PUM1: variants seen among roughly 807,000 people sequenced by gnomAD.
The protein encoded by PUM1 is pumilio RNA binding family member 1.
In PUM1, 13 loss-of-function variants were observed where a neutral mutation model predicts 131.8. The observed-to-expected ratio is 0.10, with a 90% CI of 0.06 to 0.16. PUM1 has a LOEUF of 0.16. Among genes scored for constraint, PUM1 ranks in the 10% least tolerant of loss-of-function variants. PUM1 has a pLI of 1.00. For synonymous variants in PUM1, 509 were observed against 556.5 expected (o/e 0.91, Z 1.20); for missense variants, 961 against 1,512.4 (o/e 0.64, Z 6.05).
chr1:31,009,782 A>AAAAAAAAAACAAAAAC (rs375044466), intron 3 of PUM1, among the ~76,000 whole-genome samples: 66 of 125,306 alleles, frequency 5.3e-4, no homozygotes, highest in Non-Finnish European at 8.3e-4. Context: ...AAAAAAAAAA[A>AAAAAAAAAACAAAAAC]AAAAACAAAA....
intron 4 of PUM1, 23 bp downstream of exon 4, chr1:31,006,971 T>C (rs1642419919): frequency 6.4e-7 from 1 of 1,571,330 alleles, no homozygotes; most frequent in Non-Finnish European, 8.8e-7. Flanking sequence ...TAAATCACAG[T>C]ACAGATGCTA....
intron 3 of PUM1, among the ~76,000 whole-genome samples, chr1:31,022,709 T>A (rs1444811119): frequency 6.6e-6 from 1 of 152,202 alleles, no homozygotes; most frequent in African/African-American, 2.4e-5. Context: ...CTAACAGTCA[T>A]TAACCTAAAA....
chr1:31,028,948 T>C (rs1643315226), intron 2 of PUM1, 84 bp from the exon 3 acceptor site: 2 of 1,097,982 alleles, frequency 1.8e-6, no homozygotes, highest in Non-Finnish European at 2.8e-6. Context: ...GAAAATTTAT[T>C]CTATGTTTAC....
At chr1:30,959,336 T>G (rs1450215998) in intron 14 of PUM1, among the ~76,000 whole-genome samples, 1 of 152,006 alleles carries the variant, frequency 6.6e-6, no homozygotes, top group Non-Finnish European at 1.5e-5. Context: ...AAAACACACA[T>G]CCTTCATTAA....
chr1:31,031,206 C>T (rs1164304915), intron 2 of PUM1, among the ~76,000 whole-genome samples: 2 of 152,140 alleles, frequency 1.3e-5, no homozygotes, highest in African/African-American at 4.8e-5. Context: ...ATTGACAAAG[C>T]ATGTAAATCA....
chr1:31,019,302 A>C (rs1642935498), intron 3 of PUM1, among the ~76,000 whole-genome samples: 1 of 152,244 alleles, frequency 6.6e-6, no homozygotes, highest in Admixed American at 6.5e-5. Context: ...CAGTGAGCCA[A>C]CATAGTGCCG....
chr1:30,948,292 T>C (rs1389342826), intron 17 of PUM1, among the ~76,000 whole-genome samples: 3 of 152,106 alleles, frequency 2.0e-5, no homozygotes, highest in East Asian at 1.9e-4. Context: ...CTGGATATTT[T>C]TGTGATCCAG....
chr1:30,957,087 T>TACAAACAC (rs1553145749), intron 14 of PUM1, among the ~76,000 whole-genome samples: 1 of 139,904 alleles, frequency 7.1e-6, no homozygotes, highest in Non-Finnish European at 1.5e-5. Context: ...AGGACATTCA[T>TACAAACAC]ACACACACAC....
chr1:31,007,106 C>T lies in PUM1; in HGVS notation c.433-4G>A. The T allele has an allele frequency of 6.2e-7, 1 of 1,601,518 alleles. No individual in the cohort carries two copies. The highest frequency in any genetic ancestry group is 8.6e-7 in the Non-Finnish European group (1 of 1,169,160). ...ACTTTTTACCTGGCAAGAGCTGCTG[C>T]AAATTAAAAATAATAGATGCTTTTA... On this transcript the variant is annotated splice_region_variant and splice_polypyrimidine_tract_variant and intron_variant, in intron 3 of 21. Coordinates refer to ENST00000426105, the MANE Select transcript of PUM1 (RefSeq NM_001020658.2).
chr1:30,969,316 CAAAA>C (rs763999971), intron 10 of PUM1, among the ~76,000 whole-genome samples: 4 of 51,204 alleles, frequency 7.8e-5, no homozygotes, highest in African/African-American at 1.5e-4. Context: ...AACACACACA[CAAAA>C]AAAAAAAAAA....
chr1:31,037,928 A>C (rs975087977), intron 2 of PUM1, among the ~76,000 whole-genome samples: 2 of 150,970 alleles, frequency 1.3e-5, no homozygotes, highest in Non-Finnish European at 3.0e-5. Flanking sequence ...AATACAAAAA[A>C]ATTAGCCAGG....
intron 15 of PUM1, 65 bp downstream of exon 15, chr1:30,953,649 C>A: frequency 6.4e-7 from 1 of 1,566,988 alleles, no homozygotes; most frequent in Non-Finnish European, 8.7e-7. Flanking sequence ...AGATACCCAT[C>A]TGAGCCAAGA....
At position 31,009,782 on chromosome 1, in the gene PUM1, A is replaced by AAAAAAAAACAAAAAC. The variant is rs375044466; in HGVS notation, c.433-2681_433-2680insGTTTTTGTTTTTTTT. On this transcript the variant is annotated intron_variant, in intron 3 of 21. Transcript: ENST00000426105. ...GACTCTGTCTCAAAAAAAAAAAAAAAAAAAACAAAAACAGAAACAAAAAAA... is the reference window on the plus strand; with the variant it reads ...GACTCTGTCTCAAAAAAAAAAAAAAAAAAAAAAACAAAAACAAAAACAAAAACAGAAACAAAAAAA... Among the ~76,000 whole-genome samples, 516 of 125,206 alleles carry AAAAAAAAACAAAAAC rather than the reference A, an allele frequency of 4.1e-3. 14 individuals carry two copies. Among genetic ancestry groups the AAAAAAAAACAAAAAC allele is most frequent in the Non-Finnish European group, 6.2e-3 (391 of 62,828 alleles). The allele number at this position is 125,206 out of a possible 152,430, so 82.1% of individuals were successfully genotyped here.
intron 3 of PUM1, among the ~76,000 whole-genome samples, chr1:31,016,011 A>G (rs990155222): frequency 6.6e-6 from 1 of 152,144 alleles, no homozygotes; most frequent in African/African-American, 2.4e-5. Context: ...GTTAATAGCA[A>G]TTTTAAGAAG....
At chr1:30,999,730 C>A (rs1642136034) in intron 5 of PUM1, among the ~76,000 whole-genome samples, 1 of 148,570 alleles carries the variant, frequency 6.7e-6, no homozygotes, top group Non-Finnish European at 1.5e-5. Flanking sequence ...GTCATTTAAT[C>A]TCTGAGACTT....
At chr1:31,010,536 G>C (rs1312838615) in intron 3 of PUM1, among the ~76,000 whole-genome samples, 1 of 152,170 alleles carries the variant, frequency 6.6e-6, no homozygotes, top group African/African-American at 2.4e-5. Flanking sequence ...CCAAGAGAGA[G>C]ACATCTCTGG....
chr1:30,993,690 G>A (rs937192954), intron 6 of PUM1, among the ~76,000 whole-genome samples: 6 of 152,060 alleles, frequency 3.9e-5, no homozygotes, highest in Non-Finnish European at 8.8e-5. Flanking sequence ...ACAGGCTGCT[G>A]GATATTCAAG....
At chr1:31,044,958 C>G (rs1309691761) in intron 2 of PUM1, among the ~76,000 whole-genome samples, 1 of 152,058 alleles carries the variant, frequency 6.6e-6, no homozygotes, top group Non-Finnish European at 1.5e-5. Context: ...TAAAGGCATG[C>G]GCCACCACGC....
chr1:31,048,461 CTTTTTA>C (rs1372932764), intron 2 of PUM1, among the ~76,000 whole-genome samples: 5 of 150,230 alleles, frequency 3.3e-5, no homozygotes, highest in African/African-American at 7.3e-5. Context: ...TTTCTTTTTT[CTTTTTA>C]TTTTTATTTT....
Sources: allele counts gnomAD v4.1 joint callset (sites outside exome capture counted in the v4.1 genomes callset), GRCh38; gene constraint gnomAD v4.1.1; transcripts MANE v1.5; gene names NCBI Gene and HGNC (gene_info 2026-07-23, HGNC 2026-07-21).